Variants in CSMD3 observed in about 807,000 individuals in gnomAD.
CSMD3 encodes the protein CUB and sushi domain-containing protein 3.
Under a neutral mutation model 435.2 loss-of-function variants are expected in CSMD3, and 177 were observed. The ratio of observed to expected loss-of-function variants is 0.41; its 90% CI spans 0.36 to 0.46. The LOEUF is 0.46. Among genes scored for constraint, CSMD3 ranks in the 20% least tolerant of loss-of-function variants. The pLI, the probability that CSMD3 is intolerant of heterozygous loss-of-function variation, is 0.34. For synonymous variants in CSMD3, 1,656 were observed against 1,520.5 expected (o/e 1.09, Z -2.07); for missense variants, 4,265 against 4,504.6 (o/e 0.95, Z 1.52).
At chr8:112,860,289 TC>T (rs2080789725) in intron 10 of CSMD3, among the ~76,000 whole-genome samples, 1 of 151,858 alleles carries the variant, frequency 6.6e-6, no homozygotes, top group Admixed American at 6.6e-5. Flanking sequence ...CAGACAACTT[TC>T]CTGCAACTTG....
At chr8:113,286,823 C>A (rs1038384843) in intron 2 of CSMD3, among the ~76,000 whole-genome samples, 11 of 151,604 alleles carry the variant, frequency 7.3e-5, no homozygotes, top group Non-Finnish European at 1.5e-4. Context: ...AGGTTATTAG[C>A]ATATTGCTGC....
chr8:112,701,755 C>T (rs2076393930), intron 13 of CSMD3, among the ~76,000 whole-genome samples: 9 of 152,252 alleles, frequency 5.9e-5, no homozygotes, highest in Admixed American at 5.9e-4. Context: ...TCCTGTCTCC[C>T]ATCATTTTCC....
At chr8:113,026,652 G>T (rs1228531530) in intron 5 of CSMD3, among the ~76,000 whole-genome samples, 1 of 152,154 alleles carries the variant, frequency 6.6e-6, no homozygotes, top group Non-Finnish European at 1.5e-5. Flanking sequence ...TAAATGAAGA[G>T]AAGTTATTTG....
At chr8:113,080,991 T>A (rs527611610) in intron 5 of CSMD3, among the ~76,000 whole-genome samples, 78 of 152,222 alleles carry the variant, frequency 5.1e-4, no homozygotes, top group South Asian at 6.2e-4. Flanking sequence ...TCATCTTCCA[T>A]ATCTAATATG....
At chr8:112,431,061 G>T (rs1813650428) in intron 32 of CSMD3, among the ~76,000 whole-genome samples, 1 of 146,052 alleles carries the variant, frequency 6.8e-6, no homozygotes, top group African/African-American at 2.4e-5. Flanking sequence ...AATTATTGTT[G>T]TCAAGTCATT....
intron 11 of CSMD3, among the ~76,000 whole-genome samples, chr8:112,853,291 T>C (rs558475973): frequency 6.6e-6 from 1 of 152,304 alleles, no homozygotes; most frequent in South Asian, 2.1e-4. Flanking sequence ...AGTGGCATGA[T>C]CTCGGCTCAC....
chr8:112,740,951 A>G (rs1035811772), intron 13 of CSMD3, among the ~76,000 whole-genome samples: 2 of 151,980 alleles, frequency 1.3e-5, no homozygotes, highest in African/African-American at 4.8e-5. Flanking sequence ...AGAATAGTCA[A>G]AGGAGAAATG....
intron 6 of CSMD3, among the ~76,000 whole-genome samples, chr8:113,010,676 T>C (rs973370050): frequency 1.3e-5 from 2 of 151,750 alleles, no homozygotes. Context: ...ATAATTTGTC[T>C]TTGACTTTAT....
At chr8:112,306,373 C>A (rs1258832519) in intron 50 of CSMD3, among the ~76,000 whole-genome samples, 181 bp from the exon 51 acceptor site, 1 of 151,998 alleles carries the variant, frequency 6.6e-6, no homozygotes, top group African/African-American at 2.4e-5. Context: ...TATTCCAAAC[C>A]CTTATTTAGC....
chr8:112,233,037 A>G (rs1813244063), intron 68 of CSMD3, among the ~76,000 whole-genome samples: 1 of 152,234 alleles, frequency 6.6e-6, no homozygotes, highest in Non-Finnish European at 1.5e-5. Context: ...TGCCAATGCT[A>G]AATACTACAT....
At chr8:112,429,146 T>G (rs899460165) in intron 32 of CSMD3, among the ~76,000 whole-genome samples, 11 of 152,164 alleles carry the variant, frequency 7.2e-5, no homozygotes, top group Admixed American at 5.9e-4. Flanking sequence ...TTTATTCTTA[T>G]TATAGAACTA....
chr8:112,533,773 T>G (rs981250109), intron 27 of CSMD3, among the ~76,000 whole-genome samples: 2 of 152,078 alleles, frequency 1.3e-5, no homozygotes, highest in Non-Finnish European at 2.9e-5. Context: ...CAAATGGACC[T>G]ACTTGACATT....
intron 45 of CSMD3, 48 bp downstream of exon 45, chr8:112,335,281 C>A (rs551180162): frequency 1.5e-5 from 24 of 1,578,814 alleles, no homozygotes; most frequent in African/African-American, 8.1e-5. Context: ...TTTTCCAGGA[C>A]AAATTAAACA....
intron 5 of CSMD3, among the ~76,000 whole-genome samples, chr8:113,026,481 C>A (rs2086880848): frequency 1.3e-5 from 2 of 152,130 alleles, no homozygotes; most frequent in African/African-American, 4.8e-5. Flanking sequence ...CTTGCTCTGA[C>A]CACAAAATTT....
intron 32 of CSMD3, among the ~76,000 whole-genome samples, chr8:112,456,589 C>T (rs1187797199): frequency 1.3e-5 from 2 of 151,946 alleles, no homozygotes; most frequent in East Asian, 3.9e-4. Context: ...AATTAACCAA[C>T]AAGAAAACAA....
chr8:113,435,012 C>A (rs1276272633), intron 1 of CSMD3, among the ~76,000 whole-genome samples: 1 of 152,246 alleles, frequency 6.6e-6, no homozygotes, highest in Non-Finnish European at 1.5e-5. Flanking sequence ...ATTCGCGCCT[C>A]CCCCACGCGA....
chr8:113,025,451 T>C (rs957673611), intron 5 of CSMD3, among the ~76,000 whole-genome samples: 10 of 152,222 alleles, frequency 6.6e-5, no homozygotes, highest in East Asian at 1.9e-4. Context: ...CCATGATAGT[T>C]TCAGACTACG....
intron 13 of CSMD3, among the ~76,000 whole-genome samples, chr8:112,707,259 G>A (rs1417704600): frequency 6.6e-6 from 1 of 151,846 alleles, no homozygotes; most frequent in Admixed American, 6.6e-5. Flanking sequence ...AAGTAAGAAG[G>A]ATAAACCACT....
At chr8:113,283,495 T>C (rs558125635) in intron 2 of CSMD3, among the ~76,000 whole-genome samples, 2 of 152,244 alleles carry the variant, frequency 1.3e-5, no homozygotes, top group Admixed American at 1.3e-4. Context: ...ACATCACTAA[T>C]GATCAGGGAA....
Sources: gnomAD v4.1 joint callset for allele counts (sites outside exome capture counted in the v4.1 genomes callset) on GRCh38, gnomAD v4.1.1 for gene constraint, MANE v1.5 for transcripts, NCBI Gene and HGNC (gene_info 2026-07-23, HGNC 2026-07-21) for gene names.